Variants in KIF26B observed in about 807,000 individuals in gnomAD.
The protein encoded by KIF26B is kinesin-like protein KIF26B.
In KIF26B, 63 loss-of-function variants were observed where a neutral mutation model predicts 151.2. That is an observed-to-expected ratio of 0.42 (90% CI 0.34 to 0.51). The LOEUF is 0.51. KIF26B is among the 20% of genes least tolerant of loss of function. KIF26B has a pLI of 0.07. For missense variants in KIF26B, 2,813 were observed against 2,913.6 expected (o/e 0.97, Z 0.79); for synonymous variants, 1,357 against 1,262.1 (o/e 1.08, Z -1.59).
rs1302983906 is a variant in KIF26B at position 245,156,795 on chromosome 1, C to G, written c.465+112C>G. On this transcript the variant is annotated intron_variant, in intron 2 of 14. Coordinates refer to ENST00000407071, the MANE Select transcript of KIF26B (RefSeq NM_018012.4). The stretch of plus-strand genomic sequence containing the variant: ...CTTGCGCGCCGGCTCCACGCGAGAG[C>G]CCCCGGCGGCGCTGGGGATGCTCCA... 6.6e-6 allele frequency: 4 copies of G among 604,022 alleles called. No individual in the cohort carries two copies. The East Asian group carries it at 1.5e-4, about 23-fold the overall frequency. 37.4% of individuals were successfully genotyped at this position (604,022 alleles called of 1,614,324 possible).
At chr1:245,617,974 G>A (rs2103159931) in intron 9 of KIF26B, among the ~76,000 whole-genome samples, 1 of 152,148 alleles carries the variant, frequency 6.6e-6, no homozygotes, top group South Asian at 2.1e-4. Flanking sequence ...TGCCTCTTCT[G>A]GGACCTCACC....
At chr1:245,315,288 TGG>T (rs1671745831) in intron 2 of KIF26B, among the ~76,000 whole-genome samples, 1 of 152,150 alleles carries the variant, frequency 6.6e-6, no homozygotes, top group Admixed American at 6.5e-5. Flanking sequence ...GCTCTGGAGA[TGG>T]ATGGTGGCAA....
chr1:245,641,568 T>G (rs2043892664), intron 9 of KIF26B, among the ~76,000 whole-genome samples: 1 of 152,216 alleles, frequency 6.6e-6, no homozygotes, highest in South Asian at 2.1e-4. Context: ...AATAGTCTTG[T>G]CTTTGAGCTC....
In KIF26B at chr1:245,687,687, G is replaced by C. The variant is rs761816193; in HGVS notation, c.4704G>C (p.Ser1568=). ...AGACCAACGGGGTGGGTGCAGCCTC[G>C]GGCACCCCGCCCTCCAAGGCTACCC... ...AAETNGVGAA[S]GTPPSKATLE... Residue 1568 remains serine, a synonymous_variant, in exon 12 of 15, where the codon TCG becomes TCC. Transcript: ENST00000407071. The surrounding 1 kb of genome is among the most constrained non-coding windows in gnomAD (Gnocchi z 4.9). 1.2e-5 allele frequency: 19 copies of C among 1,580,964 alleles called. No homozygotes were observed. In the East Asian group the frequency reaches 1.4e-4, roughly 12 times the overall value.
chr1:245,225,580 A>T (rs1446028454), intron 2 of KIF26B, among the ~76,000 whole-genome samples: 2 of 152,106 alleles, frequency 1.3e-5, no homozygotes, highest in Non-Finnish European at 2.9e-5. Flanking sequence ...CTGTGGGGCT[A>T]CCCTCACCCA....
At chr1:245,173,555 G>C (rs1375622582) in intron 2 of KIF26B, among the ~76,000 whole-genome samples, 1 of 152,106 alleles carries the variant, frequency 6.6e-6, no homozygotes, top group Non-Finnish European at 1.5e-5. Context: ...CTATGAGACA[G>C]GCCACTTTAC....
At chr1:245,328,201 C>G (rs1672032333) in intron 2 of KIF26B, among the ~76,000 whole-genome samples, 1 of 143,372 alleles carries the variant, frequency 7.0e-6, no homozygotes, top group South Asian at 2.2e-4. Flanking sequence ...CCTGAGCCTC[C>G]TGTGCCATTT....
At chr1:245,538,384 TAAC>T (rs773969351) in intron 4 of KIF26B, among the ~76,000 whole-genome samples, 4 of 151,612 alleles carry the variant, frequency 2.6e-5, no homozygotes, top group African/African-American at 4.8e-5. Flanking sequence ...ATGAGAGAAA[TAAC>T]AACATGTCTA....
chr1:245,589,806 A>C (rs2043266553), intron 5 of KIF26B, among the ~76,000 whole-genome samples: 1 of 152,198 alleles, frequency 6.6e-6, no homozygotes, highest in African/African-American at 2.4e-5. Flanking sequence ...GGCCAGAAGC[A>C]GTGGGATATT....
At chr1:245,568,176 C>CTCCATCT (rs2043028977) in intron 5 of KIF26B, among the ~76,000 whole-genome samples, 1 of 92,110 alleles carries the variant, frequency 1.1e-5, no homozygotes, top group Non-Finnish European at 1.9e-5. Flanking sequence ...CAGAGTGAAA[C>CTCCATCT]TCCATCTCAA....
At chr1:245,175,933 GATGTCTATATATATAGA>G (rs1668796285) in intron 2 of KIF26B, among the ~76,000 whole-genome samples, 1 of 121,418 alleles carries the variant, frequency 8.2e-6, no homozygotes, top group Admixed American at 7.6e-5. Context: ...TATATATTTA[GATGTCTATATATATAGA>G]TATCTATATC....
At chr1:245,256,623 C>T (rs34506991) in intron 2 of KIF26B, among the ~76,000 whole-genome samples, 16 of 152,256 alleles carry the variant, frequency 1.1e-4, no homozygotes, top group African/African-American at 2.9e-4. Context: ...CTCTCCTCTC[C>T]GCGAAGGGCA....
intron 2 of KIF26B, among the ~76,000 whole-genome samples, chr1:245,313,493 CG>C (rs1432255867): frequency 6.6e-6 from 1 of 152,154 alleles, no homozygotes; most frequent in African/African-American, 2.4e-5. Flanking sequence ...GATGCACGGG[CG>C]GTTGTGAAAC....
At chr1:245,326,003 G>A (rs986268661) in intron 2 of KIF26B, among the ~76,000 whole-genome samples, 3 of 152,120 alleles carry the variant, frequency 2.0e-5, no homozygotes, top group Admixed American at 2.0e-4. Context: ...CAACAACATT[G>A]TCAACTGGAT....
chr1:245,384,847 G>A (rs1673503224), intron 3 of KIF26B, among the ~76,000 whole-genome samples: 1 of 152,162 alleles, frequency 6.6e-6, no homozygotes, highest in South Asian at 2.1e-4. Flanking sequence ...AATATGTGTA[G>A]GTTTAGGTAA....
rs376731099 is a variant in KIF26B at position 245,601,679 on chromosome 1, C to A, written c.1351-898C>A. 9.2e-5 allele frequency among the ~76,000 whole-genome samples: 14 copies of A among 152,314 alleles called. No homozygotes were observed. In the East Asian group the frequency reaches 2.1e-3, roughly 23 times the overall value. ...ACATAGTAGGTGCTCAAAAAAAGTG[C>A]CCATCATTTGTTGGACTGAACTCAC... On this transcript the variant is annotated intron_variant, in intron 5 of 14. Transcript: ENST00000407071. This position sits in a 1 kb window ranked among gnomAD's most constrained non-coding sequence, Gnocchi z 4.4.
At chr1:245,565,652 G>A (rs1347991947) in intron 5 of KIF26B, among the ~76,000 whole-genome samples, 1 of 152,142 alleles carries the variant, frequency 6.6e-6, no homozygotes, top group Non-Finnish European at 1.5e-5. Context: ...TCTTCAGGTC[G>A]AGATTAAGGG....
chr1:245,389,157 G>A (rs574726537), intron 3 of KIF26B, among the ~76,000 whole-genome samples: 8 of 152,156 alleles, frequency 5.3e-5, no homozygotes, highest in Non-Finnish European at 2.9e-5. Context: ...CTTGTCACCT[G>A]GGCTGGAGTG....
At chr1:245,236,179 CG>C (rs1349687375) in intron 2 of KIF26B, among the ~76,000 whole-genome samples, 1 of 152,146 alleles carries the variant, frequency 6.6e-6, no homozygotes, top group Non-Finnish European at 1.5e-5. Flanking sequence ...CTGCCTGCTT[CG>C]GCCTCCCAAA....
Sources: allele counts gnomAD v4.1 joint callset (sites outside exome capture counted in the v4.1 genomes callset), GRCh38; gene constraint gnomAD v4.1.1; non-coding constraint Gnocchi (gnomAD v3.1); transcripts MANE v1.5; gene names NCBI Gene and HGNC (gene_info 2026-07-23, HGNC 2026-07-21).